Variants in RARB observed in about 807,000 individuals in gnomAD.
RARB encodes HBV-activated protein.
A neutral mutation model predicts 51.9 loss-of-function variants in RARB; 17 were observed. The observed-to-expected ratio is 0.33, with a 90% CI of 0.22 to 0.49. RARB has a LOEUF of 0.49. Ranked by LOEUF, RARB falls within the 20% of genes least tolerant of loss-of-function variation. The pLI, the probability that RARB is intolerant of heterozygous loss-of-function variation, is 0.99. For missense variants in RARB, 369 were observed against 550.8 expected, an observed-to-expected ratio of 0.67 and a Z score of 3.30; for synonymous variants, 215 against 195.4, an observed-to-expected ratio of 1.10 and a Z score of -0.84.
At chr3:25,403,436 A>G (rs866733837) in intron 5 of RARB, among the ~76,000 whole-genome samples, 2 of 152,178 alleles carry the variant, frequency 1.3e-5, no homozygotes, top group Non-Finnish European at 2.9e-5. Flanking sequence ...AAAAATAAAC[A>G]ATAAAACCCA....
chr3:25,206,948 G>A (rs1016701349), intron 5 of RARB, among the ~76,000 whole-genome samples: 4 of 152,144 alleles, frequency 2.6e-5, no homozygotes, highest in Non-Finnish European at 5.9e-5. Flanking sequence ...GGATTACAGT[G>A]AATTTTATGA....
chr3:25,135,608 A>G (rs1407808979), intron 4 of RARB, among the ~76,000 whole-genome samples: 2 of 152,014 alleles, frequency 1.3e-5, no homozygotes, highest in Non-Finnish European at 2.9e-5. Context: ...AGTTGCGTGC[A>G]ACATAGCCAG....
rs150059928 is a variant in RARB, at chr3:24,930,093, G to A, written c.-380+71341G>A. 3.6e-4 allele frequency among the ~76,000 whole-genome samples: 55 copies of A among 152,082 alleles called. 1 individual carries two copies. The East Asian group carries it at 9.9e-3, about 27-fold the overall frequency. On this transcript the variant is annotated intron_variant, in intron 2 of 11. Coordinates refer to the RARB transcript ENST00000383772. ...TTAATTTGAATGGAAAAATAATAGC[G>A]GGATTTTTTTATTGGTCATACTGCC...
chr3:24,999,246 G>A (rs1403612727), intron 2 of RARB, among the ~76,000 whole-genome samples: 1 of 152,122 alleles, frequency 6.6e-6, no homozygotes, highest in Non-Finnish European at 1.5e-5. Flanking sequence ...GTAAAAACAC[G>A]TAGTACACAG....
intron 5 of RARB, among the ~76,000 whole-genome samples, chr3:25,409,621 T>C (rs1005695876): frequency 1.3e-5 from 2 of 152,140 alleles, no homozygotes; most frequent in Non-Finnish European, 2.9e-5. Context: ...TTTCTGAAAA[T>C]TTAAAAGCAC....
rs867999473 is a variant in RARB at position 25,343,024 on chromosome 3, T to G, written c.179-118169T>G. On this transcript the variant is annotated intron_variant, in intron 5 of 11. Transcript: ENST00000383772. ...TTCCTGTTTACATTTTGCAAGTACT[T>G]TGTGTGTGTGTGTGTGTGTGTGTGT... is the stretch of plus-strand genomic sequence containing the variant. 1.6e-3 allele frequency among the ~76,000 whole-genome samples: 208 copies of G among 132,158 alleles called. 2 individuals are homozygous for G. The highest frequency in any genetic ancestry group is 6.1e-3 in the African/African-American group (200 of 33,008). 86.7% of individuals were successfully genotyped at this position (132,158 alleles called of 152,430 possible). A position where few individuals can be genotyped will look rare whatever the true frequency, so the allele number is the denominator to read the frequency against.
Position 25,129,705 on chromosome 3 carries a change from G to C in RARB, c.-327-2456G>C, listed in dbSNP as rs73049931. 5.6e-3 allele frequency among the ~76,000 whole-genome samples: 847 copies of C among 152,050 alleles called. 4 individuals carry two copies. The highest frequency in any genetic ancestry group is 0.021 in the Middle Eastern group (6 of 290). ...CTACTATAAATTTCTAAAATACTAT[G>C]AATTTTAGAAAAATTCATGAAAAGT... is the stretch of plus-strand genomic sequence containing the variant. On this transcript the variant is annotated intron_variant, in intron 3 of 11. Transcript: ENST00000383772.
At chr3:25,416,230 A>G (rs1257761907) in intron 5 of RARB, among the ~76,000 whole-genome samples, 3 of 152,302 alleles carry the variant, frequency 2.0e-5, no homozygotes, top group South Asian at 4.1e-4. Context: ...AAAAATGAAA[A>G]TAAAAACAAT....
chr3:24,958,683 G>A (rs912414996), intron 2 of RARB, among the ~76,000 whole-genome samples: 1 of 152,194 alleles, frequency 6.6e-6, no homozygotes, highest in East Asian at 1.9e-4. Flanking sequence ...TAATTAAATA[G>A]AAGTTATAGA....
At chr3:25,123,660 T>C (rs1205766857) in intron 3 of RARB, among the ~76,000 whole-genome samples, 1 of 152,164 alleles carries the variant, frequency 6.6e-6, no homozygotes, top group East Asian at 1.9e-4. Flanking sequence ...TTTAAGCTCA[T>C]CTCTTTCTTG....
rs544829825 is a variant in RARB, at chr3:25,150,614, T to A, written c.-280+18406T>A. ...TAAGAAATCCAGCCTACTTTTCTTA[T>A]GTATACATAGAGTACAATCATTTGA... On this transcript the variant is annotated intron_variant, in intron 4 of 11. Coordinates refer to the RARB transcript ENST00000383772. Among the ~76,000 whole-genome samples, 65 of 152,336 alleles carry A rather than the reference T, an allele frequency of 4.3e-4. 1 individual carries two copies. In the South Asian group the frequency reaches 0.013, roughly 30 times the overall value.
chr3:24,930,137 C>A (rs1325591602), intron 2 of RARB, among the ~76,000 whole-genome samples: 1 of 151,986 alleles, frequency 6.6e-6, no homozygotes, highest in East Asian at 1.9e-4. Flanking sequence ...TTCTAACACA[C>A]AAAGTAGAAA....
chr3:25,354,032 C>T (rs1233394538), intron 5 of RARB, among the ~76,000 whole-genome samples: 1 of 151,496 alleles, frequency 6.6e-6, no homozygotes, highest in African/African-American at 2.4e-5. Flanking sequence ...CCTTTCCACC[C>T]CAAACCCCCC....
At chr3:25,367,747 A>G (rs1706167989) in intron 5 of RARB, among the ~76,000 whole-genome samples, 3 of 145,946 alleles carry the variant, frequency 2.1e-5, no homozygotes, top group Admixed American at 1.4e-4. Flanking sequence ...GATTGCTTGA[A>G]CCCAGAAGAT....
chr3:25,101,104 C>A (rs1029180009), intron 3 of RARB, among the ~76,000 whole-genome samples: 1 of 152,080 alleles, frequency 6.6e-6, no homozygotes, highest in Non-Finnish European at 1.5e-5. Context: ...TTTAAAGAGA[C>A]TTTTGTTACT....
intron 2 of RARB, among the ~76,000 whole-genome samples, chr3:24,924,858 C>G (rs1695284860): frequency 6.6e-6 from 1 of 152,024 alleles, no homozygotes; most frequent in Non-Finnish European, 1.5e-5. Flanking sequence ...TACAGGGGTG[C>G]TGTAAAGAGC....
chr3:25,180,071 C>T (rs1305238556), intron 5 of RARB, among the ~76,000 whole-genome samples: 1 of 152,124 alleles, frequency 6.6e-6, no homozygotes, highest in Non-Finnish European at 1.5e-5. Flanking sequence ...AACTACAATG[C>T]CCAAAGGAGT....
At chr3:25,518,714 G>A (rs1428291563) in intron 3 of RARB, among the ~76,000 whole-genome samples, 1 of 152,028 alleles carries the variant, frequency 6.6e-6, no homozygotes, top group Non-Finnish European at 1.5e-5. Context: ...ATGCATTTAT[G>A]GGTATTGTCT....
intron 2 of RARB, among the ~76,000 whole-genome samples, chr3:24,956,861 T>C (rs966755662): frequency 6.6e-6 from 1 of 152,212 alleles, no homozygotes; most frequent in African/African-American, 2.4e-5. Flanking sequence ...CCTTGGGTTC[T>C]ATGCCTGTAA....
Sources: gnomAD v4.1 joint callset for allele counts (sites outside exome capture counted in the v4.1 genomes callset) on GRCh38, gnomAD v4.1.1 for gene constraint, MANE v1.5 for transcripts, NCBI Gene and HGNC (gene_info 2026-07-23, HGNC 2026-07-21) for gene names.